The following MEGF6 variants were observed in gnomAD, a reference collection of about 807,000 sequenced individuals.
The protein encoded by MEGF6 is multiple EGF like domains 6.
MEGF6 carries 184 observed loss-of-function variants against 207.1 expected under a neutral mutation model. That is an observed-to-expected ratio of 0.89 (90% CI 0.79 to 1.00). MEGF6 has a LOEUF of 1.00. MEGF6 is among the 50% of genes least tolerant of loss of function. The pLI is 0.00. For synonymous variants in MEGF6, 1,038 were observed against 910.0 expected (o/e 1.14, Z -2.53); for missense variants, 2,282 against 2,202.9 (o/e 1.04, Z -0.72).
the MEGF6 span, among the ~76,000 whole-genome samples, chr1:3,617,754 G>C: frequency 6.6e-6 from 1 of 152,240 alleles, no homozygotes; most frequent in African/African-American, 2.4e-5. Flanking sequence ...GTAAATCCTC[G>C]GACAGGCGTC....
In MEGF6 at chr1:3,501,032, G is replaced by A. The variant is rs201831052; in HGVS notation, c.2509C>T (p.His837Tyr). Residue 837 changes from histidine (H) to tyrosine (Y), a missense_variant, in exon 20 of 37, where the codon CAC becomes TAC. Transcript: ENST00000356575. ...CAGTGTCCGGTGGCTGGGTGGCAGT[G>A]CCCATCATTGGCACAAGAGCACCTT... is the stretch of plus-strand genomic sequence containing the variant. ...QTRCSCANDG[H>Y]CHPATGHCSC... 1.2e-5 allele frequency: 20 copies of A among 1,612,762 alleles called. No individual in the cohort carries two copies. In the African/African-American group the frequency reaches 2.3e-4, roughly 18 times the overall value.
At chr1:3,557,935 C>A (rs1643082933) in intron 4 of MEGF6, among the ~76,000 whole-genome samples, 1 of 152,196 alleles carries the variant, frequency 6.6e-6, no homozygotes, top group South Asian at 2.1e-4. Context: ...AAGCTCAGCC[C>A]TATCGTGAGT....
chr1:3,547,598 G>A (rs917850225), intron 4 of MEGF6, among the ~76,000 whole-genome samples: 4 of 152,122 alleles, frequency 2.6e-5, no homozygotes, highest in East Asian at 3.9e-4. Flanking sequence ...TCCCGCCTTC[G>A]GACAGCCCCA....
chr1:3,538,321 AG>A (rs112391488), intron 4 of MEGF6, among the ~76,000 whole-genome samples: 19,988 of 152,142 alleles, frequency 0.13, 1,532 homozygotes, highest in East Asian at 0.39. Context: ...TATCAGGAGC[AG>A]GGGGGGCCCC....
intron 2 of MEGF6, among the ~76,000 whole-genome samples, chr1:3,600,218 A>G (rs1644136852): frequency 6.6e-6 from 1 of 152,152 alleles, no homozygotes; most frequent in Admixed American, 6.5e-5. Context: ...GGCCAAGCCA[A>G]TGAGCAGCGC....
chr1:3,533,236 C>T (rs895436769), intron 4 of MEGF6, among the ~76,000 whole-genome samples: 1 of 152,198 alleles, frequency 6.6e-6, no homozygotes. Flanking sequence ...CTTGCCCCGT[C>T]CTGTCTGCCA....
chr1:3,524,104 G>C lies in MEGF6; in HGVS notation c.604+20C>G. 5.0e-6 allele frequency: 8 copies of C among 1,608,336 alleles called. No homozygotes were observed. The highest frequency in any genetic ancestry group is 6.8e-6 in the Non-Finnish European group (8 of 1,177,338). Reference sequence around the variant, plus strand: ...TGGCTGAAGCCAGGAGCCCAGGCAGGGTCTCCAGGCGACACTCACCCAGGC... The same window carrying C: ...TGGCTGAAGCCAGGAGCCCAGGCAGCGTCTCCAGGCGACACTCACCCAGGC... On this transcript the variant is annotated intron_variant, in intron 5 of 36. Coordinates refer to ENST00000356575, the MANE Select transcript of MEGF6 (RefSeq NM_001409.4).
In MEGF6 at chr1:3,489,692, G is replaced by C. The variant is rs1162201573; in HGVS notation, c.*836C>G. ...CTCCTCCCCCTGGGCCATTCTCTGG[G>C]AACAGCCAGTCTCTGGGTCTCAGCG... On this transcript the variant is annotated 3_prime_UTR_variant, in exon 37 of 37. Coordinates refer to ENST00000356575, the MANE Select transcript of MEGF6 (RefSeq NM_001409.4). Among the ~76,000 whole-genome samples the C allele has an allele frequency of 6.6e-6, 1 of 152,186 alleles. No individual in the cohort carries two copies. Among genetic ancestry groups the C allele is most frequent in the African/African-American group, 2.4e-5 (1 of 41,448 alleles).
intron 4 of MEGF6, among the ~76,000 whole-genome samples, chr1:3,553,596 G>A (rs1045625914): frequency 2.6e-5 from 4 of 152,190 alleles, no homozygotes; most frequent in Non-Finnish European, 5.9e-5. Flanking sequence ...CAGGATTTAC[G>A]AGGCCCTGCC....
chr1:3,496,519 C>A, intron 29 of MEGF6, 136 bp downstream of exon 29: 1 of 1,337,548 alleles, frequency 7.5e-7, no homozygotes, highest in Non-Finnish European at 1.0e-6. Context: ...CTTAGCCCCA[C>A]TTGGGGCCAG....
At chr1:3,531,379 C>G (rs911395275) in intron 4 of MEGF6, 1 of 1,172,826 alleles carries the variant, frequency 8.5e-7, no homozygotes, top group Non-Finnish European at 1.1e-6. Flanking sequence ...GCCCCGGGAT[C>G]CGCTCCGCTC....
At chr1:3,501,675 C>G in intron 18 of MEGF6, 121 bp downstream of exon 18, 3 of 1,376,368 alleles carry the variant, frequency 2.2e-6, no homozygotes. Context: ...ACTGTGAGCT[C>G]TCACACCTGC....
intron 5 of MEGF6, among the ~76,000 whole-genome samples, chr1:3,520,077 C>T (rs12409234): frequency 0.29 from 44,252 of 152,240 alleles, 7,260 homozygotes; most frequent in Non-Finnish European, 0.37. Flanking sequence ...AGAAGGACAG[C>T]GGGCCCACCT....
rs187122146 is a variant in MEGF6, at chr1:3,583,965, C to T, written c.377-4036G>A. ...GCCCGGCCTCCAGAGCTGTCGAGGG[C>T]CACGCCTCTCCCTCATTCACAGAAT... On this transcript the variant is annotated intron_variant, in intron 3 of 36. Coordinates refer to ENST00000356575, the MANE Select transcript of MEGF6 (RefSeq NM_001409.4). 1.1e-4 allele frequency among the ~76,000 whole-genome samples: 17 copies of T among 152,362 alleles called. No individual in the cohort carries two copies. In the East Asian group the frequency reaches 2.9e-3, roughly 26 times the overall value.
rs536364698 is a variant in MEGF6 at position 3,543,258 on chromosome 1, G to A, written c.482-19012C>T. ...AGTCATCACTGCAAGCAGGTTCCGG[G>A]CCCACCCCATCAACTTGGCACACAC... On this transcript the variant is annotated intron_variant, in intron 4 of 36. Transcript: ENST00000356575. Among the ~76,000 whole-genome samples, 6 of 152,296 alleles carry A rather than the reference G, an allele frequency of 3.9e-5. No homozygotes were observed. The East Asian group carries it at 1.2e-3, about 29-fold the overall frequency.
chr1:3,609,658 CT>C lies in MEGF6; in HGVS notation c.131+1479del, dbSNP rs201323423. On this transcript the variant is annotated intron_variant, in intron 1 of 36. Transcript: ENST00000356575. Reference sequence around the variant, plus strand: ...GGATGAGCAAAGAGAGCCAACTCTGCTGCAACCCATTTCCACCACTTCAAAC... The same window carrying C: ...GGATGAGCAAAGAGAGCCAACTCTGCGCAACCCATTTCCACCACTTCAAAC... Among the ~76,000 whole-genome samples the C allele has an allele frequency of 6.4e-3, 976 of 152,320 alleles. 9 individuals are homozygous for C. The highest frequency in any genetic ancestry group is 0.022 in the African/African-American group (917 of 41,562).
chr1:3,562,161 T>TTGTGTCTCTCTCTGTCCTTTCTC, intron 4 of MEGF6, among the ~76,000 whole-genome samples: 1 of 152,194 alleles, frequency 6.6e-6, no homozygotes, highest in Non-Finnish European at 1.5e-5. Flanking sequence ...CTGTCTCTTT[T>TTGTGTCTCTCTCTGTCCTTTCTC]TGTGTCTCTC....
rs1032649027 is a variant in MEGF6 at position 3,509,172 on chromosome 1, G to C, written c.1431C>G (p.Leu477=). ...GGAAGAGTTGCGGCAGCTCGTCCTG[G>C]AGCACGGCAATGTGGGGCAGGGGCC... is the stretch of plus-strand genomic sequence containing the variant. ...FVRPLPHIAV[L]QDELPQLFQD... Residue 477 remains leucine (L), a synonymous_variant, in exon 12 of 37, where the codon CTC becomes CTG. Transcript: ENST00000356575. 1.8e-5 allele frequency: 29 copies of C among 1,582,122 alleles called. No homozygotes were observed. The Middle Eastern group carries it at 6.7e-4, about 36-fold the overall frequency.
rs779190888 is a variant in MEGF6, at chr1:3,494,499, G to A, written c.4001C>T (p.Ala1334Val). 8 of 1,589,102 alleles carry A rather than the reference G, an allele frequency of 5.0e-6. No individual in the cohort carries two copies. The highest frequency in any genetic ancestry group is 2.7e-5 in the African/African-American group (2 of 74,584). ...LGWTGRHCEL[A>V]CPPGRYGAAC... is the part of the protein sequence containing the mutation. ...GGCTCCGTAGCGCCCAGGGGGACAG[G>A]CTGGGGACAGGGCAGGGTGGGCAGT... Residue 1334 changes from alanine to valine, a missense_variant and splice_region_variant, in exon 32 of 37, where the codon GCC becomes GTC. By Grantham distance (64) the Ala-to-Val change is moderately conservative (BLOSUM62 0). Transcript: ENST00000356575.
Sources: gnomAD v4.1 joint callset for allele counts (sites outside exome capture counted in the v4.1 genomes callset) on GRCh38, gnomAD v4.1.1 for gene constraint, MANE v1.5 for transcripts, NCBI Gene and HGNC (gene_info 2026-07-23, HGNC 2026-07-21) for gene names.